KIAA1217: variants seen among roughly 807,000 people sequenced by gnomAD.
The protein encoded by KIAA1217 is sickle tail protein homolog.
KIAA1217 carries 88 observed loss-of-function variants against 163.9 expected under a neutral mutation model. That is an observed-to-expected ratio of 0.54 (90% CI 0.45 to 0.64). KIAA1217 has a LOEUF of 0.64. Among genes scored for constraint, KIAA1217 ranks in the 30% least tolerant of loss-of-function variants. The pLI, the probability that KIAA1217 is intolerant of heterozygous loss-of-function variation, is 0.00. For synonymous variants in KIAA1217, 903 were observed against 923.1 expected (o/e 0.98, Z 0.39); for missense variants, 2,372 against 2,475.0 (o/e 0.96, Z 0.88).
chr10:23,969,914 A>AC, intron 1 of KIAA1217, among the ~76,000 whole-genome samples: 1 of 152,362 alleles, frequency 6.6e-6, no homozygotes, highest in East Asian at 1.9e-4. Context: ...GGCAAAGGGC[A>AC]CATCTTACAT....
chr10:24,092,472 T>C (rs1589461054), intron 2 of KIAA1217, among the ~76,000 whole-genome samples: 1 of 151,986 alleles, frequency 6.6e-6, no homozygotes, highest in East Asian at 1.9e-4. Context: ...AATAGCTCTA[T>C]TTGTAATCAA....
intron 1 of KIAA1217, among the ~76,000 whole-genome samples, chr10:23,861,456 G>A (rs898562676): frequency 5.9e-5 from 9 of 152,164 alleles, no homozygotes; most frequent in South Asian, 2.1e-4. Context: ...TACATTACAC[G>A]GTAGAGAGGA....
At position 24,346,258 on chromosome 10, in the gene KIAA1217, G is replaced by A. The variant is rs180973596; in HGVS notation, c.355-34611G>A. Reference sequence around the variant, plus strand: ...GTGTGGGCGGATCACCAGGTCCGGAGATCGAGACCATCCTGGCTAACACAG... The same window carrying A: ...GTGTGGGCGGATCACCAGGTCCGGAAATCGAGACCATCCTGGCTAACACAG... On this transcript the variant is annotated intron_variant, in intron 2 of 20. Coordinates refer to ENST00000376454, the MANE Select transcript of KIAA1217 (RefSeq NM_019590.5). 1.4e-4 allele frequency among the ~76,000 whole-genome samples: 22 copies of A among 152,232 alleles called. No homozygotes were observed. In the East Asian group the frequency reaches 4.3e-3, roughly 30 times the overall value.
intron 2 of KIAA1217, among the ~76,000 whole-genome samples, chr10:24,033,774 G>C (rs1445158984): frequency 1.3e-5 from 2 of 152,178 alleles, no homozygotes; most frequent in Non-Finnish European, 2.9e-5. Flanking sequence ...TACCAAATCT[G>C]TCCAGCCACC....
At chr10:24,032,852 C>T (rs1445653733) in intron 2 of KIAA1217, among the ~76,000 whole-genome samples, 1 of 152,160 alleles carries the variant, frequency 6.6e-6, no homozygotes, top group East Asian at 1.9e-4. Context: ...CAGGATTCTA[C>T]TCTCAAATAT....
In KIAA1217 at chr10:24,543,905, G is replaced by C. The variant is rs2075399732; in HGVS notation, c.4635G>C (p.Lys1545Asn). Reference protein sequence around the residue: ...GQEMNRTELNKFSHVDSPNSE... With the variant: ...GQEMNRTELNNFSHVDSPNSE... The stretch of plus-strand genomic sequence containing the variant: ...AAATGAACAGAACGGAGCTGAACAA[G>C]TTCAGCCACGTGGATTCTCCAAATT... The change falls in exon 19 of 21, where the codon AAG becomes AAC. Residue 1545 changes from lysine to asparagine, a missense_variant. Lys to Asn is a moderately conservative substitution (Grantham distance 94, BLOSUM62 0). Coordinates refer to ENST00000376454, the MANE Select transcript of KIAA1217 (RefSeq NM_019590.5). 6.2e-7 allele frequency: 1 copy of C among 1,613,898 alleles called. No individual in the cohort carries two copies.
chr10:24,209,836 G>C (rs901715243), intron 1 of KIAA1217, among the ~76,000 whole-genome samples: 5 of 152,180 alleles, frequency 3.3e-5, no homozygotes, highest in Admixed American at 3.3e-4. Context: ...TTCAAAACTT[G>C]GGAGTTGTTG....
intron 2 of KIAA1217, among the ~76,000 whole-genome samples, chr10:24,090,238 C>G (rs890857523): frequency 7.1e-6 from 1 of 140,504 alleles, no homozygotes; most frequent in Non-Finnish European, 1.5e-5. Context: ...ATGATCGTGG[C>G]TCACTGCAGC....
intron 8 of KIAA1217, among the ~76,000 whole-genome samples, chr10:24,496,306 G>A (rs1005566306): frequency 5.9e-5 from 9 of 152,252 alleles, no homozygotes; most frequent in African/African-American, 1.7e-4. Context: ...GGCCTTGGCC[G>A]AAGCCAGAGA....
intron 2 of KIAA1217, among the ~76,000 whole-genome samples, chr10:24,126,955 C>G (rs2063491921): frequency 2.6e-5 from 4 of 152,088 alleles, no homozygotes; most frequent in African/African-American, 9.7e-5. Context: ...ACCTGGGTCT[C>G]TCTTTTTGTT....
At chr10:24,090,164 C>CTTTTTTTTTTTTTTTTTTTTTT (rs1162687231) in intron 2 of KIAA1217, among the ~76,000 whole-genome samples, 2 of 109,238 alleles carry the variant, frequency 1.8e-5, no homozygotes, top group Non-Finnish European at 3.6e-5. Flanking sequence ...TTTTCTTTTT[C>CTTTTTTTTTTTTTTTTTTTTTT]TTTTTTTTTT....
chr10:24,505,687 A>C (rs2068250252), intron 9 of KIAA1217, among the ~76,000 whole-genome samples: 1 of 152,062 alleles, frequency 6.6e-6, no homozygotes, highest in African/African-American at 2.4e-5. Context: ...CAATCTCTTT[A>C]TTCTGCTTCC....
intron 9 of KIAA1217, among the ~76,000 whole-genome samples, chr10:24,503,094 C>T (rs1233893600): frequency 6.6e-6 from 1 of 152,214 alleles, no homozygotes; most frequent in Non-Finnish European, 1.5e-5. Context: ...TCTGCTTCTT[C>T]AGCACAGCGA....
intron 1 of KIAA1217, among the ~76,000 whole-genome samples, chr10:23,743,179 A>G (rs1404207149): frequency 6.6e-6 from 1 of 152,026 alleles, no homozygotes; most frequent in East Asian, 1.9e-4. Context: ...GAAACCAGAA[A>G]GTTGAACTTA....
chr10:24,267,285 C>T (rs1282754782), intron 2 of KIAA1217, among the ~76,000 whole-genome samples: 1 of 152,128 alleles, frequency 6.6e-6, no homozygotes, highest in African/African-American at 2.4e-5. Context: ...CTTGTGGTCT[C>T]TCAAGGAGTC....
chr10:24,370,285 A>AAAAAAAG (rs2051437926), intron 2 of KIAA1217, among the ~76,000 whole-genome samples: 1 of 145,876 alleles, frequency 6.9e-6, no homozygotes, highest in Admixed American at 6.8e-5. Flanking sequence ...AAAAAAAAAA[A>AAAAAAAG]GACATCTACC....
chr10:24,039,183 G>GA (rs1164931183), intron 2 of KIAA1217, among the ~76,000 whole-genome samples: 1 of 151,938 alleles, frequency 6.6e-6, no homozygotes, highest in Non-Finnish European at 1.5e-5. Flanking sequence ...CTCAGGTTTG[G>GA]AAAAACCACC....
At position 23,706,788 on chromosome 10, in the gene KIAA1217, G is replaced by A. The variant is rs371154654; in HGVS notation, c.-321+11554G>A. Among the ~76,000 whole-genome samples, 15 of 152,216 alleles carry A rather than the reference G, an allele frequency of 9.9e-5. No individual in the cohort carries two copies. In the South Asian group the frequency reaches 1.7e-3, roughly 17 times the overall value. ...CCTTCTATTTTTCATTCTTAACACT[G>A]CTGTTCAGGCACTTTTGGGACATGT... On this transcript the variant is annotated intron_variant, in intron 1 of 18. Coordinates refer to the KIAA1217 transcript ENST00000376462.
At chr10:24,330,563 C>A in intron 2 of KIAA1217, among the ~76,000 whole-genome samples, 1 of 152,088 alleles carries the variant, frequency 6.6e-6, no homozygotes, top group East Asian at 1.9e-4. Flanking sequence ...TATCAGGGGT[C>A]TTGCTGCCCT....
Sources: gnomAD v4.1 joint callset for allele counts (sites outside exome capture counted in the v4.1 genomes callset) on GRCh38, gnomAD v4.1.1 for gene constraint, MANE v1.5 for transcripts, NCBI Gene and HGNC (gene_info 2026-07-23, HGNC 2026-07-21) for gene names.